Variants in FILIP1 observed in about 807,000 individuals in gnomAD.
The protein encoded by FILIP1 is filamin-A-interacting protein 1.
In FILIP1, 61 loss-of-function variants were observed where a neutral mutation model predicts 102.1. The observed-to-expected ratio is 0.60, with a 90% CI of 0.49 to 0.74. The LOEUF (loss-of-function observed/expected upper bound fraction) is 0.74, where lower values mean the gene tolerates loss of function less well. Ranked by LOEUF, FILIP1 falls within the 30% of genes least tolerant of loss-of-function variation. The pLI, the probability that FILIP1 is intolerant of heterozygous loss-of-function variation, is 0.00. For synonymous variants in FILIP1, 491 were observed against 526.9 expected, an observed-to-expected ratio of 0.93 and a Z score of 0.93; for missense variants, 1,314 against 1,441.2, an observed-to-expected ratio of 0.91 and a Z score of 1.43.
intron 4 of FILIP1, among the ~76,000 whole-genome samples, chr6:75,328,723 A>C (rs1312748649): frequency 1.3e-5 from 2 of 151,798 alleles, no homozygotes; most frequent in East Asian, 3.9e-4. Flanking sequence ...CCTGGCCTCA[A>C]GTGAGCCACC....
At chr6:75,369,477 T>C (rs1262282653) in intron 2 of FILIP1, among the ~76,000 whole-genome samples, 1 of 152,240 alleles carries the variant, frequency 6.6e-6, no homozygotes, top group Non-Finnish European at 1.5e-5. Context: ...TCATTGATCA[T>C]GTTTCCACAA....
At chr6:75,363,987 G>A (rs1434738976) in intron 2 of FILIP1, among the ~76,000 whole-genome samples, 1 of 152,184 alleles carries the variant, frequency 6.6e-6, no homozygotes, top group African/African-American at 2.4e-5. Context: ...AGTCAACTAT[G>A]AGTATTCATG....
At chr6:75,318,736 C>T (rs1156777220) in intron 4 of FILIP1, among the ~76,000 whole-genome samples, 1 of 152,084 alleles carries the variant, frequency 6.6e-6, no homozygotes, top group African/African-American at 2.4e-5. Flanking sequence ...CTACCATCCC[C>T]ATATATAATT....
At chr6:75,386,416 A>G (rs1427051002) in intron 2 of FILIP1, 2 of 152,214 alleles carry the variant, frequency 1.3e-5, no homozygotes, top group Non-Finnish European at 2.9e-5. Flanking sequence ...CTTCAAGGCC[A>G]GTAAGCATGT....
intron 4 of FILIP1, among the ~76,000 whole-genome samples, chr6:75,350,630 C>A (rs924002991): frequency 6.6e-6 from 1 of 151,996 alleles, no homozygotes; most frequent in African/African-American, 2.4e-5. Context: ...TATTTGATTA[C>A]TTCAATTACT....
chr6:75,358,809 G>A (rs967230743), intron 3 of FILIP1, among the ~76,000 whole-genome samples: 2 of 151,484 alleles, frequency 1.3e-5, no homozygotes, highest in African/African-American at 4.9e-5. Flanking sequence ...TGCAACCTTT[G>A]CCTCCCAGGT....
At chr6:75,359,575 T>C (rs185513862) in intron 3 of FILIP1, among the ~76,000 whole-genome samples, 31 of 152,270 alleles carry the variant, frequency 2.0e-4, no homozygotes, top group Middle Eastern at 3.4e-3. Flanking sequence ...GTCCACATAA[T>C]GAAGAATATG....
chr6:75,479,723 G>T (rs1285884787), intron 1 of FILIP1, among the ~76,000 whole-genome samples: 2 of 151,914 alleles, frequency 1.3e-5, no homozygotes, highest in Non-Finnish European at 2.9e-5. Context: ...ACAAAAATTA[G>T]CCTGGCGTGG....
chr6:75,310,672 A>G (rs1260141031), intron 5 of FILIP1, among the ~76,000 whole-genome samples: 1 of 152,246 alleles, frequency 6.6e-6, no homozygotes, highest in East Asian at 1.9e-4. Flanking sequence ...TTACGGCAGA[A>G]AATATGCTTT....
At chr6:75,319,811 C>T in intron 4 of FILIP1, 1 of 331,392 alleles carries the variant, frequency 3.0e-6, no homozygotes, top group Non-Finnish European at 5.5e-6. Context: ...GCCTGGGCAA[C>T]AGAGCAAGAC....
At chr6:75,345,353 CT>C (rs780956324) in intron 4 of FILIP1, among the ~76,000 whole-genome samples, 572 of 140,534 alleles carry the variant, frequency 4.1e-3, no homozygotes, top group Middle Eastern at 7.5e-3. Context: ...GCCCCCAAAT[CT>C]TTTTTTTTTT....
intron 1 of FILIP1, among the ~76,000 whole-genome samples, chr6:75,488,129 C>T (rs970069079): frequency 6.6e-6 from 1 of 152,042 alleles, no homozygotes; most frequent in Admixed American, 6.6e-5. Flanking sequence ...GGGAAAAAAA[C>T]CCAAACTTTC....
At chr6:75,378,153 C>G (rs1206305064) in intron 2 of FILIP1, among the ~76,000 whole-genome samples, 1 of 151,546 alleles carries the variant, frequency 6.6e-6, no homozygotes, top group African/African-American at 2.4e-5. Context: ...ACTTAATTAA[C>G]ATTGAACTCA....
chr6:75,404,495 T>A (rs1339890590), intron 2 of FILIP1, among the ~76,000 whole-genome samples: 1 of 152,152 alleles, frequency 6.6e-6, no homozygotes, highest in African/African-American at 2.4e-5. Context: ...CACGCAGGCT[T>A]CTAAACAGAC....
chr6:75,314,178 T>A lies in FILIP1; in HGVS notation c.1654A>T (p.Lys552Ter). The A allele has an allele frequency of 6.5e-7, 1 of 1,549,260 alleles. No individual in the cohort carries two copies. The highest frequency in any genetic ancestry group is 2.3e-5 in the East Asian group (1 of 42,652). Residue 552 changes from lysine to a stop codon, truncating the protein, a stop_gained, in exon 5 of 6, where the codon AAG (lysine) becomes TAG (stop). Coordinates refer to ENST00000237172, the MANE Select transcript of FILIP1 (RefSeq NM_015687.5). LOFTEE classifies it high-confidence loss of function. ...DVTEKLIEES[K>*]KLLKLKSEME... Reference sequence around the variant, plus strand: ...TCAGATTTTAGTTTTAAAAGTTTCTTACTTTCTTCAATTAGTTTTTCAGTT... The same window carrying A: ...TCAGATTTTAGTTTTAAAAGTTTCTAACTTTCTTCAATTAGTTTTTCAGTT...
intron 4 of FILIP1, among the ~76,000 whole-genome samples, chr6:75,320,514 T>C (rs57346819): frequency 0.012 from 1,866 of 152,026 alleles, 45 homozygotes; most frequent in African/African-American, 0.043. Context: ...GAGGCAGAGG[T>C]TGCAGTGAGC....
At chr6:75,354,113 G>A (rs1409043981) in intron 3 of FILIP1, among the ~76,000 whole-genome samples, 1 of 152,150 alleles carries the variant, frequency 6.6e-6, no homozygotes, top group Non-Finnish European at 1.5e-5. Context: ...TATGGCATAT[G>A]TGTCAGGTGT....
intron 1 of FILIP1, among the ~76,000 whole-genome samples, chr6:75,442,733 G>A (rs894245546): frequency 6.6e-6 from 1 of 152,188 alleles, no homozygotes; most frequent in African/African-American, 2.4e-5. Context: ...CGGCATCAGA[G>A]GGAGACCGTG....
At chr6:75,485,545 T>C (rs147207896) in intron 1 of FILIP1, among the ~76,000 whole-genome samples, 1 of 152,334 alleles carries the variant, frequency 6.6e-6, no homozygotes, top group African/African-American at 2.4e-5. Context: ...GGAAAAGTAG[T>C]CTTTCTGGCC....
Sources: allele counts gnomAD v4.1 joint callset (sites outside exome capture counted in the v4.1 genomes callset), GRCh38; gene constraint gnomAD v4.1.1; transcripts MANE v1.5; gene names NCBI Gene and HGNC (gene_info 2026-07-23, HGNC 2026-07-21).